RBBP8: variants seen among roughly 807,000 people sequenced by gnomAD.
RBBP8 encodes the protein DNA endonuclease RBBP8.
RBBP8 carries 88 observed loss-of-function variants against 108.3 expected under a neutral mutation model. That is an observed-to-expected ratio of 0.81 (90% CI 0.68 to 0.97). The LOEUF (loss-of-function observed/expected upper bound fraction) is 0.97. Among genes scored for constraint, RBBP8 ranks in the 50% least tolerant of loss-of-function variants. The pLI is 0.00. For missense variants in RBBP8, 1,023 were observed against 1,049.0 expected, an observed-to-expected ratio of 0.98 and a Z score of 0.34; for synonymous variants, 332 against 348.2, an observed-to-expected ratio of 0.95 and a Z score of 0.52.
At chr18:22,998,161 G>A (rs763651169) in intron 14 of RBBP8, among the ~76,000 whole-genome samples, 3 of 152,164 alleles carry the variant, frequency 2.0e-5, no homozygotes, top group Non-Finnish European at 4.4e-5. Context: ...GATCCCTGGT[G>A]TAGACAATTT....
At chr18:22,977,170 C>T (rs187283301) in intron 6 of RBBP8, among the ~76,000 whole-genome samples, 55 of 151,658 alleles carry the variant, frequency 3.6e-4, no homozygotes, top group African/African-American at 1.2e-3. Flanking sequence ...GTAGCTTGGT[C>T]GCAAAGAAAT....
At chr18:23,014,075 T>C (rs2144808532) in intron 16 of RBBP8, among the ~76,000 whole-genome samples, 1 of 152,264 alleles carries the variant, frequency 6.6e-6, no homozygotes, top group South Asian at 2.1e-4. Flanking sequence ...CTTGGCTCAT[T>C]GCAACCTCCG....
intron 4 of RBBP8, among the ~76,000 whole-genome samples, chr18:22,952,056 A>G (rs1177253912): frequency 6.6e-6 from 1 of 152,234 alleles, no homozygotes; most frequent in Non-Finnish European, 1.5e-5. Flanking sequence ...TTTGAGGAAC[A>G]GAAAGTCTAC....
At chr18:22,937,133 A>G (rs978016974) in intron 2 of RBBP8, 173 bp downstream of exon 2, 6 of 1,352,908 alleles carry the variant, frequency 4.4e-6, no homozygotes, top group Middle Eastern at 2.7e-4. Flanking sequence ...TTGGTGTGCA[A>G]ATGATTTCAT....
rs781459393 is a variant in RBBP8 at position 22,993,830 on chromosome 18, C to A, written c.1922C>A (p.Ser641Tyr). 1 of 1,613,190 alleles carries A rather than the reference C, an allele frequency of 6.2e-7. No homozygotes were observed. The highest frequency in any genetic ancestry group is 8.5e-7 in the Non-Finnish European group (1 of 1,179,368). The change falls in exon 12 of 19, where the codon TCT (serine) becomes TAT (tyrosine). Residue 641 changes from serine to tyrosine, a missense_variant. Transcript: ENST00000327155. ...CCATGTAGAACTGGTAAAATAAAGT[C>A]TCTACAAAACAACCAAGGTGTGTAC... is the stretch of plus-strand genomic sequence containing the variant. ...LNPCRTGKIK[S>Y]LQNNQDVSFE...
chr18:23,005,255 G>A (rs2046021070), intron 15 of RBBP8, among the ~76,000 whole-genome samples: 1 of 152,190 alleles, frequency 6.6e-6, no homozygotes, highest in African/African-American at 2.4e-5. Flanking sequence ...AACAATATAT[G>A]TTCTCAGATA....
rs141814992 is a variant in RBBP8 at position 22,955,788 on chromosome 18, G to A, written c.248+6075G>A. Among the ~76,000 whole-genome samples, 359 of 151,994 alleles carry A rather than the reference G, an allele frequency of 2.4e-3. 4 individuals are homozygous for A. Among genetic ancestry groups the A allele is most frequent in the Non-Finnish European group, 3.7e-3 (249 of 67,968 alleles). On this transcript the variant is annotated intron_variant, in intron 4 of 18. Transcript: ENST00000327155. ...GTAGAGACGGGTTTTCACTGTGTTC[G>A]CCAGGATGGCCTCGATCTCCTGACC...
intron 16 of RBBP8, 44 bp downstream of exon 16, chr18:23,006,476 A>C: frequency 1.4e-6 from 2 of 1,403,660 alleles, no homozygotes; most frequent in East Asian, 2.3e-5. Context: ...CTGGAAGTAC[A>C]ATAGAGCTGT....
At chr18:22,955,816 G>A (rs1265185800) in intron 4 of RBBP8, among the ~76,000 whole-genome samples, 18 of 152,024 alleles carry the variant, frequency 1.2e-4, no homozygotes, top group Admixed American at 1.1e-3. Flanking sequence ...TCCTGACCTC[G>A]TGATCTGCCC....
intron 18 of RBBP8, among the ~76,000 whole-genome samples, chr18:23,023,452 C>T (rs573228976): frequency 6.6e-6 from 1 of 152,228 alleles, no homozygotes; most frequent in Non-Finnish European, 1.5e-5. Context: ...AGCTTTTAGG[C>T]TGTTAATAAA....
chr18:22,928,182 C>T (rs1394464402), intron 3 of RBBP8, among the ~76,000 whole-genome samples: 1 of 144,016 alleles, frequency 6.9e-6, no homozygotes, highest in Non-Finnish European at 1.5e-5. Flanking sequence ...GCCTGGGGGA[C>T]AGAGTAAGAC....
upstream of RBBP8, among the ~76,000 whole-genome samples, chr18:22,933,143 C>T (rs1910144391): frequency 6.6e-6 from 1 of 152,236 alleles, no homozygotes; most frequent in African/African-American, 2.4e-5. Flanking sequence ...CAGCGCAATT[C>T]AGAAATGCTG....
chr18:22,962,669 G>A (rs896312596), intron 4 of RBBP8, among the ~76,000 whole-genome samples: 4 of 148,028 alleles, frequency 2.7e-5, no homozygotes, highest in Non-Finnish European at 4.5e-5. Context: ...TGATCCCCCC[G>A]AGCTCACACA....
At chr18:22,943,797 G>A (rs1453570266) in intron 2 of RBBP8, among the ~76,000 whole-genome samples, 2 of 152,104 alleles carry the variant, frequency 1.3e-5, no homozygotes, top group Non-Finnish European at 2.9e-5. Context: ...TTTGGTCTGG[G>A]TAAAGAACTA....
At chr18:22,921,925 A>C (rs1049333919) in intron 3 of RBBP8, among the ~76,000 whole-genome samples, 13 of 152,182 alleles carry the variant, frequency 8.5e-5, no homozygotes, top group Non-Finnish European at 1.8e-4. Context: ...AGTTATAGTA[A>C]AAACAGATTG....
intron 5 of RBBP8, among the ~76,000 whole-genome samples, 183 bp downstream of exon 5, chr18:22,969,101 G>A (rs1180416975): frequency 6.6e-6 from 1 of 151,630 alleles, no homozygotes; most frequent in African/African-American, 2.4e-5. Flanking sequence ...GTAAGAAATA[G>A]GGTACAAAAA....
At chr18:23,009,911 G>A (rs557111716) in intron 16 of RBBP8, among the ~76,000 whole-genome samples, 28 of 152,122 alleles carry the variant, frequency 1.8e-4, no homozygotes, top group Admixed American at 2.0e-4. Context: ...ACAGGCATGC[G>A]CCACCACGCG....
At chr18:23,004,056 CAAAAAAAAAAAAAA>C (rs34653966) in intron 15 of RBBP8, among the ~76,000 whole-genome samples, 3 of 69,656 alleles carry the variant, frequency 4.3e-5, no homozygotes, top group Admixed American at 2.1e-4. Flanking sequence ...GACCCCGTCT[CAAAAAAAAAAAAAA>C]AAAAAAAAAA....
chr18:22,915,174 A>C (rs1258365590), intron 1 of RBBP8, among the ~76,000 whole-genome samples: 1 of 152,048 alleles, frequency 6.6e-6, no homozygotes, highest in East Asian at 1.9e-4. Context: ...GGGAATTTAA[A>C]ATTTTTTTAA....
Sources: allele counts gnomAD v4.1 joint callset (sites outside exome capture counted in the v4.1 genomes callset), GRCh38; gene constraint gnomAD v4.1.1; transcripts MANE v1.5; gene names NCBI Gene and HGNC (gene_info 2026-07-23, HGNC 2026-07-21).